The following CENPC variants were observed in gnomAD, a reference collection of about 807,000 sequenced individuals.
CENPC encodes centromere protein C, also known as CENP-C 1.
CENPC carries 63 observed loss-of-function variants against 112.1 expected under a neutral mutation model. The ratio of observed to expected loss-of-function variants is 0.56; its 90% CI spans 0.46 to 0.69. CENPC has a LOEUF of 0.69. Among genes scored for constraint, CENPC ranks in the 30% least tolerant of loss-of-function variants. The pLI, the probability that CENPC is intolerant of heterozygous loss-of-function variation, is 0.00. For synonymous variants in CENPC, 333 were observed against 367.6 expected (o/e 0.91, Z 1.08); for missense variants, 1,000 against 1,103.8 (o/e 0.91, Z 1.33).
At chr4:67,477,304 C>CT (rs1208577089) in intron 17 of CENPC, among the ~76,000 whole-genome samples, 1 of 152,194 alleles carries the variant, frequency 6.6e-6, no homozygotes, top group Non-Finnish European at 1.5e-5. Flanking sequence ...GTCTGCTTCA[C>CT]TCCCCTGCTA....
At chr4:67,494,014 G>A (rs1239978277) in intron 13 of CENPC, 26 bp from the exon 14 acceptor site, 1 of 1,479,610 alleles carries the variant, frequency 6.8e-7, no homozygotes, top group Non-Finnish European at 9.3e-7. Flanking sequence ...AGACAAAAGT[G>A]TATACATAGT....
intron 5 of CENPC, among the ~76,000 whole-genome samples, chr4:67,521,820 A>T (rs1204200480): frequency 1.3e-5 from 2 of 152,232 alleles, no homozygotes; most frequent in Non-Finnish European, 2.9e-5. Context: ...ACATACTACA[A>T]CATGGATGAA....
chr4:67,545,465 A>G lies in CENPC; in HGVS notation c.-110T>C, dbSNP rs972409601. 8.3e-7 allele frequency: 1 copy of G among 1,204,276 alleles called. No homozygotes were observed. Among genetic ancestry groups the G allele is most frequent in the Admixed American group, 2.9e-5 (1 of 34,066 alleles). The allele number at this position is 1,204,276 out of a possible 1,614,324, so 74.6% of individuals were successfully genotyped here. On this transcript the variant is annotated 5_prime_UTR_variant, in exon 1 of 19. Transcript: ENST00000273853. ...TCGCCGGAATACCAGGCCGCGGCCA[A>G]GCAATAACCTTAAGTCTCAGGCGAC...
At chr4:67,536,083 G>A (rs896169408) in intron 4 of CENPC, among the ~76,000 whole-genome samples, 1 of 152,128 alleles carries the variant, frequency 6.6e-6, no homozygotes, top group South Asian at 2.1e-4. Context: ...AACCAGAATA[G>A]ACTGCTGATT....
chr4:67,500,095 TAATGAA>T (rs1560427360), intron 12 of CENPC, among the ~76,000 whole-genome samples: 2 of 151,776 alleles, frequency 1.3e-5, no homozygotes, highest in African/African-American at 4.8e-5. Flanking sequence ...AAAGACATAG[TAATGAA>T]AAAGTTTGAT....
chr4:67,540,255 A>C (rs1407732912), intron 3 of CENPC, among the ~76,000 whole-genome samples: 2 of 152,206 alleles, frequency 1.3e-5, no homozygotes, highest in African/African-American at 4.8e-5. Flanking sequence ...GCTGATGCTA[A>C]TCAGCACTTG....
chr4:67,527,684 A>T (rs1047866184), intron 5 of CENPC, among the ~76,000 whole-genome samples: 6 of 151,786 alleles, frequency 4.0e-5, no homozygotes, highest in Admixed American at 6.6e-5. Flanking sequence ...TGTTTTTTGT[A>T]GAGACAAGTT....
chr4:67,485,447 A>C (rs1243729440), intron 17 of CENPC, among the ~76,000 whole-genome samples: 1 of 137,686 alleles, frequency 7.3e-6, no homozygotes, highest in Non-Finnish European at 1.6e-5. Flanking sequence ...TGTCTCCTGA[A>C]AATTCACACT....
chr4:67,476,472 T>C (rs1006482131), intron 17 of CENPC, among the ~76,000 whole-genome samples: 4 of 143,086 alleles, frequency 2.8e-5, no homozygotes, highest in African/African-American at 1.1e-4. Flanking sequence ...GGAAATATAA[T>C]AGTAGAAGCA....
chr4:67,532,083 A>C (rs1446372285), intron 4 of CENPC, among the ~76,000 whole-genome samples: 1 of 152,220 alleles, frequency 6.6e-6, no homozygotes, highest in Non-Finnish European at 1.5e-5. Context: ...AAAAGTGGGC[A>C]AAGGATATGA....
intron 5 of CENPC, among the ~76,000 whole-genome samples, chr4:67,528,711 A>G (rs951289599): frequency 6.6e-6 from 1 of 152,214 alleles, no homozygotes; most frequent in South Asian, 2.1e-4. Context: ...CTGTTTATCC[A>G]TTCATCTGTT....
chr4:67,495,419 T>G (rs1245421571), intron 12 of CENPC, among the ~76,000 whole-genome samples: 1 of 152,212 alleles, frequency 6.6e-6, no homozygotes, highest in African/African-American at 2.4e-5. Flanking sequence ...ATGAATACAT[T>G]GCAAGTTTGT....
chr4:67,502,201 C>G (rs376900755), intron 12 of CENPC, among the ~76,000 whole-genome samples: 13 of 152,032 alleles, frequency 8.6e-5, no homozygotes, highest in East Asian at 1.9e-4. Context: ...AAAAAAAAAT[C>G]CTGAGTCCTT....
intron 17 of CENPC, among the ~76,000 whole-genome samples, chr4:67,482,999 T>C (rs1420979702): frequency 6.6e-6 from 1 of 152,056 alleles, no homozygotes; most frequent in Non-Finnish European, 1.5e-5. Flanking sequence ...CTCATGAGAG[T>C]GAGTTCTCAC....
intron 9 of CENPC, 65 bp from the exon 10 acceptor site, chr4:67,509,170 C>A: frequency 9.3e-7 from 1 of 1,079,840 alleles, no homozygotes; most frequent in Non-Finnish European, 1.3e-6. Flanking sequence ...CACTGAAATA[C>A]CAACAGCATT....
intron 17 of CENPC, among the ~76,000 whole-genome samples, chr4:67,487,898 T>A (rs1426245425): frequency 6.6e-6 from 1 of 151,720 alleles, no homozygotes; most frequent in South Asian, 2.1e-4. Flanking sequence ...TTCTCCATCT[T>A]GTCCTGTTTA....
chr4:67,538,670 C>T (rs1332247792), intron 4 of CENPC, among the ~76,000 whole-genome samples: 3 of 152,096 alleles, frequency 2.0e-5, no homozygotes, highest in Admixed American at 2.0e-4. Flanking sequence ...CTCTCTCAAG[C>T]ATTCAATCAA....
At chr4:67,497,404 A>T (rs190703616) in intron 12 of CENPC, among the ~76,000 whole-genome samples, 1 of 152,298 alleles carries the variant, frequency 6.6e-6, no homozygotes, top group Admixed American at 6.5e-5. Flanking sequence ...ATAAATAAAT[A>T]AAAATACAGG....
intron 4 of CENPC, among the ~76,000 whole-genome samples, chr4:67,534,101 G>GA (rs1178495072): frequency 4.0e-5 from 6 of 150,568 alleles, no homozygotes; most frequent in Non-Finnish European, 8.9e-5. Flanking sequence ...TTTTGTCGCA[G>GA]AAAAAAAATT....
Sources: allele counts gnomAD v4.1 joint callset (sites outside exome capture counted in the v4.1 genomes callset), GRCh38; gene constraint gnomAD v4.1.1; transcripts MANE v1.5; gene names NCBI Gene and HGNC (gene_info 2026-07-23, HGNC 2026-07-21).